NALF1: variants seen among roughly 807,000 people sequenced by gnomAD.
NALF1 encodes family with sequence similarity 155 member A.
A neutral mutation model predicts 48.4 loss-of-function variants in NALF1; 3 were observed. That is an observed-to-expected ratio of 0.06 (90% confidence interval 0.03 to 0.16). NALF1 has a LOEUF of 0.16. Ranked by LOEUF, NALF1 falls within the 10% of genes least tolerant of loss-of-function variation. The pLI, the probability that NALF1 is intolerant of heterozygous loss-of-function variation, is 1.00. For missense variants in NALF1, 526 were observed against 571.5 expected (o/e 0.92, Z 0.81); for synonymous variants, 262 against 245.7 (o/e 1.07, Z -0.62).
At chr13:107,203,453 A>C (rs1233016221) in intron 2 of NALF1, among the ~76,000 whole-genome samples, 1 of 152,236 alleles carries the variant, frequency 6.6e-6, no homozygotes, top group Non-Finnish European at 1.5e-5. Context: ...GGCAGTGCGC[A>C]TAGTCTGGCT....
intron 1 of NALF1, among the ~76,000 whole-genome samples, chr13:107,223,404 T>C (rs1036495461): frequency 6.6e-6 from 1 of 152,220 alleles, no homozygotes; most frequent in Non-Finnish European, 1.5e-5. Flanking sequence ...GAAACATTTT[T>C]CTTCCTAACT....
chr13:107,661,428 C>A (rs558759866), intron 1 of NALF1, among the ~76,000 whole-genome samples: 1 of 152,280 alleles, frequency 6.6e-6, no homozygotes, highest in South Asian at 2.1e-4. Flanking sequence ...CTGTTTATGA[C>A]ATATTCAAGG....
chr13:107,356,756 C>T lies in NALF1; in HGVS notation c.916-146001G>A, dbSNP rs75324397. ...CAACAGAAAACAAAAGTAGCTAAAA[C>T]TCAAACAGAATAATTTTCTGGTTAA... On this transcript the variant is annotated intron_variant, in intron 1 of 2. Coordinates refer to ENST00000375915, the MANE Select transcript of NALF1 (RefSeq NM_001080396.3). Among the ~76,000 whole-genome samples the T allele has an allele frequency of 4.9e-3, 742 of 152,262 alleles. 6 individuals carry two copies. Among genetic ancestry groups the T allele is most frequent in the African/African-American group, 0.015 (641 of 41,552 alleles).
chr13:107,213,246 A>AAAAAAG (rs1555326881), intron 1 of NALF1, among the ~76,000 whole-genome samples: 12 of 148,906 alleles, frequency 8.1e-5, no homozygotes, highest in South Asian at 6.4e-4. Flanking sequence ...AAAAAAAAAA[A>AAAAAAG]AAAAGAAAAG....
intron 1 of NALF1, among the ~76,000 whole-genome samples, chr13:107,341,880 AACACACACACAC>A (rs57041785): frequency 1.0e-4 from 15 of 146,702 alleles, no homozygotes; most frequent in Non-Finnish European, 2.1e-4. Flanking sequence ...TGCACATGCA[AACACACACACAC>A]ACACACACAC....
At chr13:107,625,823 A>G (rs1186718707) in intron 1 of NALF1, among the ~76,000 whole-genome samples, 1 of 151,988 alleles carries the variant, frequency 6.6e-6, no homozygotes, top group African/African-American at 2.4e-5. Flanking sequence ...ACACTAAATA[A>G]CTGTTTTGAC....
intron 1 of NALF1, among the ~76,000 whole-genome samples, chr13:107,783,175 C>T (rs1174129498): frequency 1.5e-5 from 2 of 132,252 alleles, no homozygotes; most frequent in African/African-American, 5.6e-5. Context: ...CCAGCCGCCC[C>T]GTCCGGGAGG....
intron 1 of NALF1, among the ~76,000 whole-genome samples, chr13:107,365,449 G>C (rs1358005227): frequency 6.6e-6 from 1 of 152,066 alleles, no homozygotes; most frequent in Non-Finnish European, 1.5e-5. Context: ...TCTCAGTTCA[G>C]TGTCCTTCCT....
intron 1 of NALF1, among the ~76,000 whole-genome samples, chr13:107,823,701 C>T (rs892378145): frequency 6.6e-6 from 1 of 152,180 alleles, no homozygotes; most frequent in Non-Finnish European, 1.5e-5. Flanking sequence ...AGCTTTCATG[C>T]TCCTCTCTTG....
chr13:107,657,873 A>G (rs986561014), intron 1 of NALF1, among the ~76,000 whole-genome samples: 8 of 152,204 alleles, frequency 5.3e-5, no homozygotes, highest in African/African-American at 1.7e-4. Flanking sequence ...TTAGACCTGC[A>G]TGAATGTCAT....
At position 107,209,906 on chromosome 13, in the gene NALF1, T is replaced by TA. The variant is rs1879725482; in HGVS notation, c.1087+677dup. ...ACCATTTAATTATCTTTTTATTTTT[T>TA]AAAAAAAGGCTCTTGCTCTTTATAT... is the stretch of plus-strand genomic sequence containing the variant. On this transcript the variant is annotated intron_variant, in intron 2 of 2. Transcript: ENST00000375915. Among the ~76,000 whole-genome samples the TA allele has an allele frequency of 2.6e-5, 4 of 152,162 alleles. No individual in the cohort carries two copies. In the South Asian group the frequency reaches 8.3e-4, roughly 32 times the overall value.
chr13:107,772,594 A>G (rs1470457423), intron 1 of NALF1, among the ~76,000 whole-genome samples: 1 of 152,216 alleles, frequency 6.6e-6, no homozygotes, highest in Non-Finnish European at 1.5e-5. Flanking sequence ...ATATATCAGT[A>G]AAAGCTAAAT....
At chr13:107,298,301 G>A (rs1270215429) in intron 1 of NALF1, among the ~76,000 whole-genome samples, 6 of 116,846 alleles carry the variant, frequency 5.1e-5, no homozygotes, top group East Asian at 2.8e-4. Flanking sequence ...AGTGAGCAAG[G>A]ATGGCACCAC....
At chr13:107,446,051 G>A (rs1049017762) in intron 1 of NALF1, among the ~76,000 whole-genome samples, 5 of 152,018 alleles carry the variant, frequency 3.3e-5, no homozygotes, top group African/African-American at 1.2e-4. Context: ...CGATTCTCCT[G>A]CCTCAGCCTC....
intron 1 of NALF1, among the ~76,000 whole-genome samples, chr13:107,666,050 T>C (rs1232655692): frequency 6.6e-6 from 1 of 152,140 alleles, no homozygotes; most frequent in African/African-American, 2.4e-5. Context: ...AGATGTCTAA[T>C]AATCTCCCAT....
intron 1 of NALF1, among the ~76,000 whole-genome samples, chr13:107,518,533 GGTTGT>G (rs1876134767): frequency 6.6e-6 from 1 of 152,074 alleles, no homozygotes; most frequent in Admixed American, 6.6e-5. Flanking sequence ...GCTATTTATT[GGTTGT>G]GTTATGTGTC....
intron 1 of NALF1, among the ~76,000 whole-genome samples, chr13:107,818,871 C>CAAAAAAA (rs774372636): frequency 4.1e-4 from 30 of 73,808 alleles, no homozygotes; most frequent in East Asian, 1.8e-3. Context: ...GACTCCGTCT[C>CAAAAAAA]AAAAAAAAAA....
chr13:107,227,328 GC>G (rs953048516), intron 1 of NALF1, among the ~76,000 whole-genome samples: 49 of 152,302 alleles, frequency 3.2e-4, no homozygotes, highest in African/African-American at 1.2e-3. Flanking sequence ...CATTGAGTGT[GC>G]CTATATCTGC....
chr13:107,237,659 T>C (rs1250716186), intron 1 of NALF1, among the ~76,000 whole-genome samples: 2 of 152,204 alleles, frequency 1.3e-5, no homozygotes, highest in African/African-American at 2.4e-5. Flanking sequence ...TGCCTGTACA[T>C]GTTCAGCACA....
Sources: allele counts gnomAD v4.1 joint callset (sites outside exome capture counted in the v4.1 genomes callset), GRCh38; gene constraint gnomAD v4.1.1; transcripts MANE v1.5; gene names NCBI Gene and HGNC (gene_info 2026-07-23, HGNC 2026-07-21).